NRXN1: variants seen among roughly 807,000 people sequenced by gnomAD.
NRXN1 encodes neurexin-1.
A neutral mutation model predicts 150.9 loss-of-function variants in NRXN1; 39 were observed. That is an observed-to-expected ratio of 0.26 (90% CI 0.20 to 0.34). The LOEUF (loss-of-function observed/expected upper bound fraction) is 0.34. Ranked by LOEUF, NRXN1 falls within the 10% of genes least tolerant of loss-of-function variation. The pLI, the probability that NRXN1 is intolerant of heterozygous loss-of-function variation, is 1.00. For missense variants in NRXN1, 1,815 were observed against 1,949.9 expected, an observed-to-expected ratio of 0.93 and a Z score of 1.30; for synonymous variants, 924 against 757.0, an observed-to-expected ratio of 1.22 and a Z score of -3.62.
At chr2:50,518,548 TA>T (rs919116793) in intron 12 of NRXN1, among the ~76,000 whole-genome samples, 4 of 151,376 alleles carry the variant, frequency 2.6e-5, no homozygotes, top group African/African-American at 4.8e-5. Context: ...GTTGTCTGAA[TA>T]AAAAAAAATC....
chr2:49,985,070 T>A (rs1680669546), intron 21 of NRXN1, among the ~76,000 whole-genome samples: 1 of 152,206 alleles, frequency 6.6e-6, no homozygotes, highest in Non-Finnish European at 1.5e-5. Flanking sequence ...GGCACTTAGA[T>A]TGAGCTAGTT....
intron 2 of NRXN1, among the ~76,000 whole-genome samples, chr2:50,964,837 A>T (rs1313407485): frequency 6.6e-6 from 1 of 151,474 alleles, no homozygotes; most frequent in Admixed American, 6.6e-5. Flanking sequence ...TAAGAAAACA[A>T]TTCCCATTGA....
chr2:50,177,573 C>T (rs2060427898), intron 18 of NRXN1, among the ~76,000 whole-genome samples: 1 of 151,468 alleles, frequency 6.6e-6, no homozygotes, highest in African/African-American at 2.4e-5. Flanking sequence ...CTCAAAAGCC[C>T]CAAAATAGTC....
chr2:50,486,944 C>G (rs1230517848), intron 15 of NRXN1, among the ~76,000 whole-genome samples: 1 of 152,030 alleles, frequency 6.6e-6, no homozygotes, highest in Non-Finnish European at 1.5e-5. Context: ...GATGAGATAC[C>G]ATGTGCAAAT....
intron 17 of NRXN1, among the ~76,000 whole-genome samples, chr2:50,246,851 T>C (rs901356742): frequency 1.3e-5 from 2 of 152,122 alleles, no homozygotes; most frequent in East Asian, 3.9e-4. Flanking sequence ...GAATTGTCTT[T>C]TATTGAAATA....
At chr2:50,866,365 C>A (rs1177222055) in intron 5 of NRXN1, among the ~76,000 whole-genome samples, 1 of 151,846 alleles carries the variant, frequency 6.6e-6, no homozygotes, top group Non-Finnish European at 1.5e-5. Context: ...TATCTTACGA[C>A]AGCTTTTTGC....
intron 17 of NRXN1, among the ~76,000 whole-genome samples, chr2:50,249,094 C>T (rs1212161979): frequency 1.3e-5 from 2 of 148,774 alleles, no homozygotes; most frequent in East Asian, 2.0e-4. Context: ...GAGTTTAAGG[C>T]TGCAGTGAGT....
At chr2:49,955,315 T>C (rs1573031706) in intron 21 of NRXN1, among the ~76,000 whole-genome samples, 1 of 152,266 alleles carries the variant, frequency 6.6e-6, no homozygotes, top group East Asian at 1.9e-4. Context: ...AATAACACTT[T>C]TTCAAAGATT....
intron 5 of NRXN1, among the ~76,000 whole-genome samples, chr2:50,715,195 G>A (rs1695712000): frequency 6.6e-6 from 1 of 152,090 alleles, no homozygotes; most frequent in South Asian, 2.1e-4. Context: ...ACACTATACA[G>A]GAAATAGCAC....
rs548851627 is a variant in NRXN1 at position 50,489,333 on chromosome 2, G to A, written c.3070+6572C>T. On this transcript the variant is annotated intron_variant, in intron 15 of 22. Coordinates refer to ENST00000401669, the MANE Select transcript of NRXN1 (RefSeq NM_001330078.2). The stretch of plus-strand genomic sequence containing the variant: ...GTTTCACCAAAAGCAGAGTCAATAG[G>A]TGGCACTCTCGCTACCAATCTCCAT... Among the ~76,000 whole-genome samples the A allele has an allele frequency of 1.3e-3, 192 of 152,242 alleles. 1 individual carries two copies. Among genetic ancestry groups the A allele is most frequent in the Non-Finnish European group, 2.4e-3 (163 of 68,024 alleles).
chr2:50,808,576 T>C (rs543571560), intron 5 of NRXN1, among the ~76,000 whole-genome samples: 3 of 152,068 alleles, frequency 2.0e-5, no homozygotes, highest in African/African-American at 7.2e-5. Flanking sequence ...TGTCAATAAA[T>C]AAATGTTTGT....
intron 5 of NRXN1, among the ~76,000 whole-genome samples, chr2:50,886,717 G>C (rs1368914859): frequency 6.6e-6 from 1 of 151,352 alleles, no homozygotes; most frequent in East Asian, 1.9e-4. Flanking sequence ...TAAGCTGACT[G>C]AACAGTCATG....
At chr2:50,756,106 C>G (rs1046620451) in intron 5 of NRXN1, among the ~76,000 whole-genome samples, 19 of 151,772 alleles carry the variant, frequency 1.3e-4, no homozygotes, top group Non-Finnish European at 1.5e-4. Context: ...ATACAATCCT[C>G]AGGCCTTTCT....
At chr2:50,854,626 G>A (rs1318760059) in intron 5 of NRXN1, among the ~76,000 whole-genome samples, 1 of 152,004 alleles carries the variant, frequency 6.6e-6, no homozygotes, top group African/African-American at 2.4e-5. Flanking sequence ...TTGAAGCCTT[G>A]GCGGAATACC....
At chr2:50,867,346 AAGG>A (rs2106073517) in intron 5 of NRXN1, among the ~76,000 whole-genome samples, 1 of 151,922 alleles carries the variant, frequency 6.6e-6, no homozygotes, top group South Asian at 2.1e-4. Flanking sequence ...TTGAAATCAG[AAGG>A]AGATTTTTAC....
intron 21 of NRXN1, among the ~76,000 whole-genome samples, chr2:50,002,017 G>T (rs1461498593): frequency 2.6e-5 from 4 of 151,950 alleles, no homozygotes; most frequent in African/African-American, 7.2e-5. Flanking sequence ...GAGGGCCTCA[G>T]TTCTCCAACC....
chr2:50,234,984 T>C (rs1484258243), intron 18 of NRXN1, among the ~76,000 whole-genome samples: 1 of 152,092 alleles, frequency 6.6e-6, no homozygotes, highest in Non-Finnish European at 1.5e-5. Flanking sequence ...TCTTGCAGTC[T>C]AAAACTCTTT....
chr2:51,008,685 C>A (rs1667402180), intron 2 of NRXN1, among the ~76,000 whole-genome samples: 1 of 151,538 alleles, frequency 6.6e-6, no homozygotes, highest in South Asian at 2.1e-4. Flanking sequence ...CTAAAAGCAT[C>A]AATATAATAA....
chr2:50,345,959 G>A (rs1323433682), intron 17 of NRXN1, among the ~76,000 whole-genome samples: 1 of 152,192 alleles, frequency 6.6e-6, no homozygotes, highest in Non-Finnish European at 1.5e-5. Flanking sequence ...GTTCCATTTA[G>A]AAAAGAACTC....
Sources: allele counts gnomAD v4.1 joint callset (sites outside exome capture counted in the v4.1 genomes callset), GRCh38; gene constraint gnomAD v4.1.1; transcripts MANE v1.5; gene names NCBI Gene and HGNC (gene_info 2026-07-23, HGNC 2026-07-21).